Variants in EYS observed in about 807,000 individuals in gnomAD.
EYS encodes the protein EGF-like photoreceptor maintenance factor.
EYS carries 250 observed loss-of-function variants against 282.1 expected under a neutral mutation model. The observed-to-expected ratio is 0.89, with a 90% CI of 0.80 to 0.98. The LOEUF (loss-of-function observed/expected upper bound fraction) is 0.98. Among genes scored for constraint, EYS ranks in the 50% least tolerant of loss-of-function variants. EYS has a pLI of 0.00. For missense variants in EYS, 4,016 were observed against 3,709.0 expected (o/e 1.08, Z -2.15); for synonymous variants, 1,355 against 1,282.9 (o/e 1.06, Z -1.20).
At chr6:65,126,519 A>C (rs753174220) in intron 12 of EYS, among the ~76,000 whole-genome samples, 8 of 152,174 alleles carry the variant, frequency 5.3e-5, no homozygotes, top group Non-Finnish European at 1.2e-4. Context: ...TTAATAGGCA[A>C]GCACCTGCCT....
intron 2 of EYS, among the ~76,000 whole-genome samples, chr6:65,497,829 C>T (rs1419513495): frequency 6.6e-6 from 1 of 151,896 alleles, no homozygotes; most frequent in Non-Finnish European, 1.5e-5. Flanking sequence ...CATGTTGTGT[C>T]GTTTTGCTTA....
intron 35 of EYS, among the ~76,000 whole-genome samples, chr6:63,951,581 C>T (rs538361867): frequency 6.6e-6 from 1 of 152,154 alleles, no homozygotes; most frequent in South Asian, 2.1e-4. Context: ...AGGTCACTCC[C>T]CACCAGGCTG....
At chr6:65,374,235 G>A (rs778478020) in intron 8 of EYS, among the ~76,000 whole-genome samples, 38 of 152,116 alleles carry the variant, frequency 2.5e-4, no homozygotes, top group Non-Finnish European at 4.9e-4. Flanking sequence ...GGCCCACCAA[G>A]GGTGAGCAGA....
intron 29 of EYS, among the ~76,000 whole-genome samples, chr6:64,372,130 GTTTTTTTTTT>G (rs201498090): frequency 4.1e-5 from 4 of 97,714 alleles, no homozygotes; most frequent in African/African-American, 1.4e-4. Context: ...GTATACTTGT[GTTTTTTTTTT>G]TTTTTTTTTT....
intron 31 of EYS, among the ~76,000 whole-genome samples, chr6:64,204,167 CAT>C (rs1251692700): frequency 2.0e-5 from 3 of 152,134 alleles, no homozygotes; most frequent in African/African-American, 4.8e-5. Flanking sequence ...CTTCTGGAAA[CAT>C]ATGTATTGAT....
At chr6:64,821,265 A>C (rs1272518545) in intron 21 of EYS, among the ~76,000 whole-genome samples, 1 of 151,988 alleles carries the variant, frequency 6.6e-6, no homozygotes, top group Non-Finnish European at 1.5e-5. Flanking sequence ...ATTGAATCCT[A>C]TGTCATCCCT....
intron 21 of EYS, among the ~76,000 whole-genome samples, chr6:64,821,400 G>A (rs745825216): frequency 5.9e-5 from 9 of 151,812 alleles, no homozygotes; most frequent in Non-Finnish European, 8.8e-5. Flanking sequence ...GGCGGTCGGC[G>A]GGAGGGAGGA....
intron 27 of EYS, 65 bp downstream of exon 27, chr6:64,439,097 C>T (rs1774849085): frequency 2.4e-6 from 2 of 832,166 alleles, no homozygotes; most frequent in Non-Finnish European, 1.8e-6. Context: ...TGAAAATAAC[C>T]AATGAAGCAC....
chr6:65,039,845 G>A (rs1351183662), intron 13 of EYS, among the ~76,000 whole-genome samples: 3 of 151,536 alleles, frequency 2.0e-5, no homozygotes, highest in Non-Finnish European at 4.4e-5. Flanking sequence ...TTGCTAGATA[G>A]CAAAATGTAG....
intron 41 of EYS, among the ~76,000 whole-genome samples, chr6:63,750,614 T>C (rs937820133): frequency 3.9e-5 from 6 of 152,198 alleles, no homozygotes; most frequent in South Asian, 4.1e-4. Context: ...AGCCAGAACA[T>C]TGGACTCATG....
chr6:64,774,843 C>T (rs567757972), intron 22 of EYS, among the ~76,000 whole-genome samples: 101 of 152,048 alleles, frequency 6.6e-4, no homozygotes, highest in African/African-American at 2.3e-3. Flanking sequence ...TTATCTGACA[C>T]CTTGCCTTTT....
chr6:64,558,273 T>G (rs1765292753), intron 26 of EYS, among the ~76,000 whole-genome samples: 1 of 152,134 alleles, frequency 6.6e-6, no homozygotes, highest in Non-Finnish European at 1.5e-5. Flanking sequence ...AAAATACTCT[T>G]ATACTTTTGC....
At chr6:64,442,490 A>G (rs1774981053) in intron 26 of EYS, among the ~76,000 whole-genome samples, 1 of 152,226 alleles carries the variant, frequency 6.6e-6, no homozygotes. Flanking sequence ...CCAAATGTTA[A>G]TCCCCCAAGA....
At chr6:64,398,776 G>C (rs1349640828) in intron 28 of EYS, among the ~76,000 whole-genome samples, 1 of 151,714 alleles carries the variant, frequency 6.6e-6, no homozygotes, top group Non-Finnish European at 1.5e-5. Context: ...AGCCAACTTT[G>C]GGGCTTTGAT....
intron 12 of EYS, among the ~76,000 whole-genome samples, chr6:65,268,709 A>G (rs1767821702): frequency 6.6e-6 from 1 of 152,076 alleles, no homozygotes; most frequent in African/African-American, 2.4e-5. Flanking sequence ...ATTCTCTAGA[A>G]AGAAGAACAT....
rs538078171 is a variant in EYS at position 64,454,792 on chromosome 6, A to G, written c.5645-15440T>C. Reference sequence around the variant, plus strand: ...CAATGCCCACCACAAAGAGATATGTAGGGATAACTCTAATTTATATCCTTG... The same window carrying G: ...CAATGCCCACCACAAAGAGATATGTGGGGATAACTCTAATTTATATCCTTG... On this transcript the variant is annotated intron_variant, in intron 26 of 42. Transcript: ENST00000503581. Among the ~76,000 whole-genome samples, 16 of 152,276 alleles carry G rather than the reference A, an allele frequency of 1.1e-4. No individual in the cohort carries two copies. In the East Asian group the frequency reaches 3.1e-3, roughly 29 times the overall value.
At chr6:65,332,129 T>A in intron 11 of EYS, 1 of 360,958 alleles carries the variant, frequency 2.8e-6, no homozygotes, top group Non-Finnish European at 5.1e-6. Flanking sequence ...ATTCTTCTTA[T>A]TTTTTTTTAA....
At chr6:65,041,634 G>T (rs908979864) in intron 13 of EYS, among the ~76,000 whole-genome samples, 6 of 151,610 alleles carry the variant, frequency 4.0e-5, no homozygotes, top group Non-Finnish European at 1.5e-5. Context: ...GTTAAAAACA[G>T]TCCCATCGTC....
At chr6:64,402,473 T>G (rs1773564899) in intron 28 of EYS, among the ~76,000 whole-genome samples, 1 of 152,198 alleles carries the variant, frequency 6.6e-6, no homozygotes, top group Admixed American at 6.5e-5. Flanking sequence ...AATAAATGTG[T>G]TTCTAAGGTA....
Sources: gnomAD v4.1 joint callset for allele counts (sites outside exome capture counted in the v4.1 genomes callset) on GRCh38, gnomAD v4.1.1 for gene constraint, MANE v1.5 for transcripts, NCBI Gene and HGNC (gene_info 2026-07-23, HGNC 2026-07-21) for gene names.